Variants in CACNA1A observed in about 807,000 individuals in gnomAD.
The protein encoded by CACNA1A is calcium voltage-gated channel subunit alpha1 A.
A neutral mutation model predicts 262.4 loss-of-function variants in CACNA1A; 57 were observed. The observed-to-expected ratio is 0.22, with a 90% CI of 0.18 to 0.27. The LOEUF (loss-of-function observed/expected upper bound fraction) is 0.27, where lower values mean the gene tolerates loss of function less well. CACNA1A is among the 10% of genes least tolerant of loss of function. The pLI, the probability that CACNA1A is intolerant of heterozygous loss-of-function variation, is 1.00. For missense variants in CACNA1A, 2,526 were observed against 3,562.8 expected (o/e 0.71, Z 7.41); for synonymous variants, 1,431 against 1,419.3 (o/e 1.01, Z -0.18).
chr19:13,441,833 A>G (rs1007587089), intron 3 of CACNA1A, among the ~76,000 whole-genome samples: 11 of 152,212 alleles, frequency 7.2e-5, no homozygotes, highest in African/African-American at 2.6e-4. Flanking sequence ...TGCCCCTTGG[A>G]GGCAGGCTGG....
rs1193347869 is a variant in CACNA1A at position 13,207,843 on chromosome 19, C to T, written c.6991G>A (p.Gly2331Ser). Reference protein sequence around the residue: ...QQQQQAVARPGRAATSGPRRY... With the variant: ...QQQQQAVARPSRAATSGPRRY... Reference sequence around the variant, plus strand: ...CGAGGGCCGCTGGTGGCCGCCCGGCCCGGCCTGGCCACCGCCTGCTGCTGC... The same window carrying T: ...CGAGGGCCGCTGGTGGCCGCCCGGCTCGGCCTGGCCACCGCCTGCTGCTGC... The change falls in exon 47 of 47, where the codon GGC (glycine) becomes AGC (serine). Residue 2331 changes from glycine (G) to serine (S), a missense_variant. By Grantham distance (56) the Gly-to-Ser change is moderately conservative. This residue lies in a region of CACNA1A where 929 missense variants were observed against 868.1 expected (regional missense o/e 1.07). Transcript: ENST00000360228. The surrounding 1 kb of genome is among the most constrained non-coding windows in gnomAD (Gnocchi z 5.7). 6.8e-7 allele frequency: 1 copy of T among 1,468,902 alleles called. No individual in the cohort carries two copies. Among genetic ancestry groups the T allele is most frequent in the Non-Finnish European group, 9.0e-7 (1 of 1,116,870 alleles). 91.0% of individuals were successfully genotyped at this position (1,468,902 alleles called of 1,614,324 possible).
At chr19:13,221,303 G>A (rs1470007648) in intron 38 of CACNA1A, among the ~76,000 whole-genome samples, 2 of 129,048 alleles carry the variant, frequency 1.5e-5, no homozygotes, top group Non-Finnish European at 3.2e-5. Context: ...GTTTGATCTC[G>A]GCTCACTGCA....
intron 3 of CACNA1A, among the ~76,000 whole-genome samples, chr19:13,441,394 T>C (rs1341506528): frequency 6.6e-6 from 1 of 152,122 alleles, no homozygotes; most frequent in Non-Finnish European, 1.5e-5. Context: ...TGGCCAGGCA[T>C]GGTGGCTCAC....
At chr19:13,242,830 C>T (rs1017067660) in intron 31 of CACNA1A, among the ~76,000 whole-genome samples, 1 of 152,164 alleles carries the variant, frequency 6.6e-6, no homozygotes, top group Non-Finnish European at 1.5e-5. Flanking sequence ...GTTAGCCCCA[C>T]TCTACATGAG....
chr19:13,328,180 C>T (rs1210771693), intron 10 of CACNA1A, among the ~76,000 whole-genome samples: 1 of 152,194 alleles, frequency 6.6e-6, no homozygotes, highest in Non-Finnish European at 1.5e-5. Flanking sequence ...AGTGGGATTA[C>T]AGGCGTGAAC....
chr19:13,345,084 C>T (rs2058740974), intron 6 of CACNA1A, among the ~76,000 whole-genome samples: 1 of 152,002 alleles, frequency 6.6e-6, no homozygotes, highest in Admixed American at 6.6e-5. Flanking sequence ...ATAATAAACA[C>T]AGGAAATGTG....
At chr19:13,377,986 CAACA>C (rs1181536291) in intron 3 of CACNA1A, among the ~76,000 whole-genome samples, 2 of 151,984 alleles carry the variant, frequency 1.3e-5, no homozygotes, top group African/African-American at 2.4e-5. Context: ...AAACAATCCA[CAACA>C]AACAAACAAC....
intron 29 of CACNA1A, among the ~76,000 whole-genome samples, chr19:13,253,742 C>T (rs1457979171): frequency 1.3e-5 from 2 of 148,782 alleles, no homozygotes; most frequent in Non-Finnish European, 3.0e-5. Context: ...CCGTCCCCGG[C>T]TTCCTTATTT....
Position 13,404,657 on chromosome 19 carries a change from G to A in CACNA1A, c.540-32878C>T, listed in dbSNP as rs190135436. Among the ~76,000 whole-genome samples the A allele has an allele frequency of 2.0e-3, 307 of 152,194 alleles. 2 individuals carry two copies. Among genetic ancestry groups the A allele is most frequent in the Non-Finnish European group, 1.5e-4 (10 of 67,998 alleles). Reference sequence around the variant, plus strand: ...CTCCCCCTGCCAGGCAGAATAATCTGGCATTGCTTAAATATGGTACAAGTC... The same window carrying A: ...CTCCCCCTGCCAGGCAGAATAATCTAGCATTGCTTAAATATGGTACAAGTC... On this transcript the variant is annotated intron_variant, in intron 3 of 46. Transcript: ENST00000360228.
At chr19:13,396,919 T>G (rs1020054050) in intron 3 of CACNA1A, among the ~76,000 whole-genome samples, 1 of 152,200 alleles carries the variant, frequency 6.6e-6, no homozygotes, top group Non-Finnish European at 1.5e-5. Flanking sequence ...TCCCTGGTTC[T>G]GACAGTAGTC....
intron 12 of CACNA1A, among the ~76,000 whole-genome samples, chr19:13,310,642 T>C (rs2058016997): frequency 6.6e-6 from 1 of 150,630 alleles, no homozygotes; most frequent in South Asian, 2.1e-4. Flanking sequence ...TTGTTGGGCA[T>C]GTGGCTGCTG....
chr19:13,430,006 A>T (rs1339013067), intron 3 of CACNA1A, among the ~76,000 whole-genome samples: 1 of 5,190 alleles, frequency 1.9e-4, no homozygotes, highest in African/African-American at 9.8e-4. Context: ...GGGAGGGGGG[A>T]AGGGGGAGTC....
At chr19:13,318,592 G>A (rs79382670) in intron 10 of CACNA1A, among the ~76,000 whole-genome samples, 8,336 of 152,150 alleles carry the variant, frequency 0.055, 265 homozygotes, top group South Asian at 0.12. Context: ...CAGGCTGGAG[G>A]TGACTGAACC....
At chr19:13,405,181 C>G (rs138356400) in intron 3 of CACNA1A, among the ~76,000 whole-genome samples, 1 of 151,314 alleles carries the variant, frequency 6.6e-6, no homozygotes, top group Non-Finnish European at 1.5e-5. Flanking sequence ...CAGGTATGAG[C>G]CAGCGCGCCC....
At chr19:13,343,789 T>C (rs370045962) in intron 6 of CACNA1A, among the ~76,000 whole-genome samples, 47 of 151,888 alleles carry the variant, frequency 3.1e-4, no homozygotes, top group Admixed American at 8.5e-4. Context: ...TGAATGAAAA[T>C]AGAGACACAA....
chr19:13,502,891 C>G (rs949334619), intron 1 of CACNA1A, among the ~76,000 whole-genome samples: 1 of 152,118 alleles, frequency 6.6e-6, no homozygotes, highest in Non-Finnish European at 1.5e-5. Context: ...TGTGAGCATA[C>G]CGACAAGTTC....
intron 6 of CACNA1A, among the ~76,000 whole-genome samples, chr19:13,339,561 A>C (rs62109119): frequency 0.091 from 13,839 of 152,180 alleles, 773 homozygotes; most frequent in South Asian, 0.18. Flanking sequence ...AGCTAGAAGG[A>C]GGAGCTTGAA....
rs369325522 is a variant in CACNA1A at position 13,327,673 on chromosome 19, A to C, written c.1345+2571T>G. ...ACTGCAGCCTCCGCCTCCCGGGTTC[A>C]AGTGATTTTGTGCCTCAGCCTCCTG... On this transcript the variant is annotated intron_variant, in intron 10 of 46. Coordinates refer to ENST00000360228, the MANE Select transcript of CACNA1A (RefSeq NM_001127222.2). Among the ~76,000 whole-genome samples, 1,056 of 151,786 alleles carry C rather than the reference A, an allele frequency of 7.0e-3. 9 individuals are homozygous for C. Among genetic ancestry groups the C allele is most frequent in the South Asian group, 0.046 (219 of 4,802 alleles).
chr19:13,464,700 C>T (rs1201915589), intron 1 of CACNA1A, among the ~76,000 whole-genome samples: 2 of 151,822 alleles, frequency 1.3e-5, no homozygotes, highest in South Asian at 2.1e-4. Context: ...AGGCGCCTGC[C>T]ACCGCGCCCG....
Sources: gnomAD v4.1 joint callset for allele counts (sites outside exome capture counted in the v4.1 genomes callset) on GRCh38, gnomAD v4.1.1 for gene constraint, gnomAD v4.1.1 regional missense constraint, Gnocchi (gnomAD v3.1) non-coding constraint, MANE v1.5 for transcripts, NCBI Gene and HGNC (gene_info 2026-07-23, HGNC 2026-07-21) for gene names.